NMNAT3: variants seen among roughly 807,000 people sequenced by gnomAD.
NMNAT3 encodes nicotinamide/nicotinic acid mononucleotide adenylyltransferase 3.
A neutral mutation model predicts 24.8 loss-of-function variants in NMNAT3; 21 were observed. The ratio of observed to expected loss-of-function variants is 0.85; its 90% CI spans 0.60 to 1.22. The LOEUF (loss-of-function observed/expected upper bound fraction) is 1.22. Among genes scored for constraint, NMNAT3 ranks in the 50% most tolerant of loss-of-function variants. NMNAT3 has a pLI of 0.00. For missense variants in NMNAT3, 387 were observed against 436.6 expected (o/e 0.89, Z 1.01); for synonymous variants, 136 against 155.2 (o/e 0.88, Z 0.92).
At chr3:139,571,567 G>A (rs535791344) in intron 6 of NMNAT3, 1 of 152,136 alleles carries the variant, frequency 6.6e-6, no homozygotes, top group South Asian at 2.1e-4. Flanking sequence ...TGGGATTTAG[G>A]GTCTGAACAG....
At chr3:139,615,459 CT>C (rs2055448221) in intron 3 of NMNAT3, among the ~76,000 whole-genome samples, 1 of 146,910 alleles carries the variant, frequency 6.8e-6, no homozygotes, top group Non-Finnish European at 1.5e-5. Context: ...ATCTATCTAT[CT>C]ATCCATCCAC....
intron 6 of NMNAT3, 66 bp downstream of exon 6, chr3:139,573,532 C>T (rs1469813513): frequency 2.1e-6 from 2 of 947,860 alleles, no homozygotes; most frequent in Non-Finnish European, 3.2e-6. Context: ...ACCACCCCTA[C>T]CCCCTTCAGT....
chr3:139,574,327 G>A (rs968637689), intron 5 of NMNAT3, among the ~76,000 whole-genome samples: 3 of 152,236 alleles, frequency 2.0e-5, no homozygotes, highest in African/African-American at 7.2e-5. Context: ...GGATGGTGCT[G>A]CATCTGCCAG....
intron 3 of NMNAT3, among the ~76,000 whole-genome samples, chr3:139,608,710 C>T (rs1396124306): frequency 6.6e-6 from 1 of 152,190 alleles, no homozygotes; most frequent in Non-Finnish European, 1.5e-5. Flanking sequence ...ATGTCATCCA[C>T]TGATCTTACT....
intron 2 of NMNAT3, chr3:139,634,637 GC>G (rs1465336871): frequency 1.3e-5 from 2 of 152,112 alleles, no homozygotes; most frequent in African/African-American, 4.8e-5. Flanking sequence ...AGGATCCTCT[GC>G]CAGCCACCCC....
chr3:139,600,282 TC>T (rs1450251879), intron 3 of NMNAT3, among the ~76,000 whole-genome samples: 1 of 151,868 alleles, frequency 6.6e-6, no homozygotes, highest in African/African-American at 2.4e-5. Flanking sequence ...GGTTTAAACT[TC>T]CCTTTGGTCC....
chr3:139,659,311 C>T (rs1027429761), intron 1 of NMNAT3, among the ~76,000 whole-genome samples: 19 of 152,030 alleles, frequency 1.2e-4, no homozygotes, highest in Non-Finnish European at 1.9e-4. Context: ...CTCTGGCCCA[C>T]GAGAGTGTAT....
intron 3 of NMNAT3, among the ~76,000 whole-genome samples, chr3:139,599,968 G>T (rs1050536693): frequency 6.6e-6 from 1 of 152,208 alleles, no homozygotes; most frequent in African/African-American, 2.4e-5. Flanking sequence ...CAGTCGGCCA[G>T]CTGGGACCAC....
At chr3:139,664,754 C>CA (rs1326390847) in intron 1 of NMNAT3, among the ~76,000 whole-genome samples, 1 of 152,202 alleles carries the variant, frequency 6.6e-6, no homozygotes, top group African/African-American at 2.4e-5. Flanking sequence ...TAAGCTCCCC[C>CA]AGAAAGCCTT....
chr3:139,621,510 TACAGG>T (rs2055771949), intron 3 of NMNAT3, among the ~76,000 whole-genome samples: 1 of 152,198 alleles, frequency 6.6e-6, no homozygotes, highest in African/African-American at 2.4e-5. Context: ...TAGCTGTGAT[TACAGG>T]TGTGTACCAC....
chr3:139,561,352 C>T lies in NMNAT3; in HGVS notation c.699G>A (p.Leu233=), dbSNP rs138047040. Residue 233 remains leucine (L), a synonymous_variant, in exon 7 of 7, where the codon TTG becomes TTA. Transcript: ENST00000643695. ...AGAGGTTGGGGGTCTGGAAGGTCTT[C>T]AAGACGTCTGCCCCACAGAGAAGCT... 1 of 1,613,870 alleles carries T rather than the reference C, an allele frequency of 6.2e-7. No individual in the cohort carries two copies. Among genetic ancestry groups the T allele is most frequent in the African/African-American group, 1.3e-5 (1 of 74,878 alleles).
At chr3:139,643,470 A>C (rs953052799) in intron 1 of NMNAT3, among the ~76,000 whole-genome samples, 1 of 152,240 alleles carries the variant, frequency 6.6e-6, no homozygotes, top group African/African-American at 2.4e-5. Context: ...CCAAGTGTCC[A>C]TTAACGGAAG....
At chr3:139,562,915 G>A (rs1323582390) in intron 6 of NMNAT3, among the ~76,000 whole-genome samples, 13 of 152,172 alleles carry the variant, frequency 8.5e-5, no homozygotes, top group Non-Finnish European at 1.3e-4. Flanking sequence ...ATTCATGCAT[G>A]TATGAACTCT....
At chr3:139,656,108 CT>C (rs1225400597) in intron 1 of NMNAT3, among the ~76,000 whole-genome samples, 1 of 152,214 alleles carries the variant, frequency 6.6e-6, no homozygotes, top group African/African-American at 2.4e-5. Flanking sequence ...GTCTGGCTGC[CT>C]TTCTGCCCTG....
At chr3:139,660,005 C>A (rs564621939) in intron 1 of NMNAT3, among the ~76,000 whole-genome samples, 1 of 152,316 alleles carries the variant, frequency 6.6e-6, no homozygotes, top group East Asian at 1.9e-4. Flanking sequence ...GGTTCTATTT[C>A]TTGAAGTTTG....
At chr3:139,628,353 C>T (rs1239080196) in intron 2 of NMNAT3, among the ~76,000 whole-genome samples, 3 of 152,192 alleles carry the variant, frequency 2.0e-5, no homozygotes, top group Non-Finnish European at 4.4e-5. Context: ...CACATACATA[C>T]CTGTTTATAA....
chr3:139,596,379 T>G (rs2108198122), intron 3 of NMNAT3, among the ~76,000 whole-genome samples: 1 of 152,358 alleles, frequency 6.6e-6, no homozygotes, highest in Admixed American at 6.5e-5. Context: ...GTTTTATGTT[T>G]AGTATTTTAC....
In NMNAT3 at chr3:139,561,212, TG is replaced by T. The variant is rs754354154; in HGVS notation, c.838del (p.Gln280SerfsTer30). Reference sequence around the variant, plus strand: ...CTCCTTGGCCAGGTGAATGTTGTGCTGGTGCATCCGTAGGATGGGAGATTCT... The same window carrying T: ...CTCCTTGGCCAGGTGAATGTTGTGCTGTGCATCCGTAGGATGGGAGATTCT... On this transcript the variant is annotated frameshift_variant, in exon 7 of 7. Coordinates refer to ENST00000643695, the MANE Select transcript of NMNAT3 (RefSeq NM_001320510.2). LOFTEE classifies it low-confidence loss of function (END_TRUNC). 8.1e-6 allele frequency: 13 copies of T among 1,614,186 alleles called. No homozygotes were observed. The East Asian group carries it at 2.9e-4, about 36-fold the overall frequency.
intron 3 of NMNAT3, among the ~76,000 whole-genome samples, chr3:139,591,160 G>A (rs1559882008): frequency 1.3e-5 from 2 of 151,430 alleles, no homozygotes; most frequent in African/African-American, 2.4e-5. Context: ...CACCTGGGAA[G>A]CGCAAGGGGT....
Sources: allele counts gnomAD v4.1 joint callset (sites outside exome capture counted in the v4.1 genomes callset), GRCh38; gene constraint gnomAD v4.1.1; transcripts MANE v1.5; gene names NCBI Gene and HGNC (gene_info 2026-07-23, HGNC 2026-07-21).